SRGN: variants seen among roughly 807,000 people sequenced by gnomAD.
SRGN encodes the protein serglycin.
A neutral mutation model predicts 9.5 loss-of-function variants in SRGN; 2 were observed. The ratio of observed to expected loss-of-function variants is 0.21; its 90% CI spans 0.09 to 0.66. SRGN has a LOEUF of 0.66. Ranked by LOEUF, SRGN falls within the 30% of genes least tolerant of loss-of-function variation. SRGN has a pLI of 0.83. For synonymous variants in SRGN, 59 were observed against 72.3 expected, an observed-to-expected ratio of 0.82 and a Z score of 0.93; for missense variants, 170 against 192.4, an observed-to-expected ratio of 0.88 and a Z score of 0.69.
At chr10:69,097,283 G>A (rs772834747) in intron 2 of SRGN, 52 bp downstream of exon 2, 5 of 1,501,654 alleles carry the variant, frequency 3.3e-6, no homozygotes, top group Non-Finnish European at 4.6e-6. Flanking sequence ...TATTTGAGAC[G>A]GAGTTTCACT....
Position 69,104,200 on chromosome 10 carries a change from C to A in SRGN, c.*80C>A. On this transcript the variant is annotated 3_prime_UTR_variant, in exon 3 of 3. Transcript: ENST00000242465. ...CATGGTTATATGATTAATCTTGGGACAAAGAATTTTATAGAAATTTTTAAA... is the reference window on the plus strand; with the variant it reads ...CATGGTTATATGATTAATCTTGGGAAAAAGAATTTTATAGAAATTTTTAAA... 1 of 1,487,048 alleles carries A rather than the reference C, an allele frequency of 6.7e-7. No individual in the cohort carries two copies. The highest frequency in any genetic ancestry group is 9.0e-7 in the Non-Finnish European group (1 of 1,113,080). 92.1% of individuals were successfully genotyped at this position (1,487,048 alleles called of 1,614,324 possible).
intron 1 of SRGN, among the ~76,000 whole-genome samples, chr10:69,090,499 G>C (rs989598163): frequency 6.6e-6 from 1 of 152,114 alleles, no homozygotes; most frequent in African/African-American, 2.4e-5. Flanking sequence ...GCATTCTGAG[G>C]CCTCTCTCCT....
rs568639944 is a variant in SRGN, at chr10:69,089,006, T to G, written c.79+770T>G. 9.8e-5 allele frequency among the ~76,000 whole-genome samples: 15 copies of G among 152,334 alleles called. No homozygotes were observed. The South Asian group carries it at 3.1e-3, about 32-fold the overall frequency. On this transcript the variant is annotated intron_variant, in intron 1 of 2. Transcript: ENST00000242465. ...TCTTTGGCAAATAAGGAATCATGTC[T>G]AAATAAGACGGAGGTCATGGCTTGA... is the stretch of plus-strand genomic sequence containing the variant.
chr10:69,089,838 G>A (rs984303325), intron 1 of SRGN, among the ~76,000 whole-genome samples: 4 of 152,126 alleles, frequency 2.6e-5, no homozygotes, highest in African/African-American at 9.7e-5. Context: ...GGAGGTTGCA[G>A]TGAGCTGAGA....
At chr10:69,101,154 G>A (rs532623553) in intron 2 of SRGN, among the ~76,000 whole-genome samples, 2 of 151,936 alleles carry the variant, frequency 1.3e-5, no homozygotes, top group East Asian at 1.9e-4. Context: ...TGGTAGAGAC[G>A]GGGTTTTGCC....
chr10:69,101,641 A>G (rs189910795), intron 2 of SRGN, among the ~76,000 whole-genome samples: 2 of 152,112 alleles, frequency 1.3e-5, no homozygotes, highest in Admixed American at 1.3e-4. Flanking sequence ...AGGGCCACCC[A>G]TGCCTGCCCC....
At chr10:69,093,971 C>T (rs1840119623) in intron 1 of SRGN, among the ~76,000 whole-genome samples, 1 of 152,180 alleles carries the variant, frequency 6.6e-6, no homozygotes, top group Admixed American at 6.5e-5. Flanking sequence ...ATAAGATGTT[C>T]ACTCTCGGAG....
At chr10:69,094,085 C>A (rs1337471832) in intron 1 of SRGN, among the ~76,000 whole-genome samples, 1 of 152,122 alleles carries the variant, frequency 6.6e-6, no homozygotes, top group Admixed American at 6.6e-5. Flanking sequence ...ATTTGTATCT[C>A]CTTATTAACT....
At chr10:69,103,617 A>T (rs1302463032) in intron 2 of SRGN, among the ~76,000 whole-genome samples, 1 of 152,220 alleles carries the variant, frequency 6.6e-6, no homozygotes, top group Non-Finnish European at 1.5e-5. Flanking sequence ...AACAAAATTA[A>T]CACTGTTTAT....
At chr10:69,088,076 T>A, upstream of SRGN, 1 of 1,237,810 alleles carries the variant, frequency 8.1e-7, no homozygotes, top group Non-Finnish European at 1.2e-6. Context: ...TGGAACATTT[T>A]CTAAAAGGGA....
intron 1 of SRGN, 27 bp from the exon 2 acceptor site, chr10:69,097,057 T>C: frequency 1.9e-6 from 3 of 1,610,792 alleles, no homozygotes; most frequent in Non-Finnish European, 2.5e-6. Context: ...AGTAGATACT[T>C]AGTAACAATG....
At chr10:69,090,130 T>G (rs1030085101) in intron 1 of SRGN, among the ~76,000 whole-genome samples, 2 of 152,160 alleles carry the variant, frequency 1.3e-5, no homozygotes, top group Non-Finnish European at 1.5e-5. Context: ...CATCTGAGCA[T>G]GCAGGGAAAT....
intron 2 of SRGN, 56 bp from the exon 3 acceptor site, chr10:69,103,815 C>A: frequency 1.3e-6 from 2 of 1,571,930 alleles, no homozygotes; most frequent in South Asian, 2.3e-5. Context: ...TTATAATTAT[C>A]TTTCCCACAT....
Position 69,097,203 on chromosome 10 carries a change from A to T in SRGN, c.199A>T (p.Ile67Phe). Residue 67 changes from isoleucine to phenylalanine, a missense_variant, in exon 2 of 3, where the codon ATC becomes TTC. By Grantham distance (21) the Ile-to-Phe change is conservative (BLOSUM62 0). Transcript: ENST00000242465. Reference sequence around the variant, plus strand: ...ACTACTTCCAGGTGAATCCAACAAGATCCCCCGTCTGAGGACTGACCTTTT... The same window carrying T: ...ACTACTTCCAGGTGAATCCAACAAGTTCCCCCGTCTGAGGACTGACCTTTT... ...FELLPGESNKIPRLRTDLFPK... is the reference protein window; with the variant it reads ...FELLPGESNKFPRLRTDLFPK... 6.2e-7 allele frequency: 1 copy of T among 1,613,966 alleles called. No homozygotes were observed. Among genetic ancestry groups the T allele is most frequent in the Non-Finnish European group, 8.5e-7 (1 of 1,179,940 alleles).
chr10:69,096,398 C>T (rs1291319986), intron 1 of SRGN, among the ~76,000 whole-genome samples: 3 of 152,170 alleles, frequency 2.0e-5, no homozygotes, highest in Non-Finnish European at 4.4e-5. Context: ...TGTATTTTCT[C>T]ATTTAATTTT....
chr10:69,094,148 T>G lies in SRGN; in HGVS notation c.80-2936T>G, dbSNP rs574903412. Reference sequence around the variant, plus strand: ...AAAATTGAGGCACAGGAAGTTTAAGTTGGCCAAGATCACACAGCCAGTAAG... The same window carrying G: ...AAAATTGAGGCACAGGAAGTTTAAGGTGGCCAAGATCACACAGCCAGTAAG... On this transcript the variant is annotated intron_variant, in intron 1 of 2. Coordinates refer to ENST00000242465, the MANE Select transcript of SRGN (RefSeq NM_002727.4). Among the ~76,000 whole-genome samples the G allele has an allele frequency of 5.9e-5, 9 of 152,288 alleles. No individual in the cohort carries two copies. The South Asian group carries it at 1.2e-3, about 21-fold the overall frequency.
chr10:69,103,284 C>T lies in SRGN; in HGVS notation c.228-587C>T, dbSNP rs544461455. Among the ~76,000 whole-genome samples, 572 of 126,760 alleles carry T rather than the reference C, an allele frequency of 4.5e-3. 1 individual carries two copies. Among genetic ancestry groups the T allele is most frequent in the Non-Finnish European group, 8.5e-3 (482 of 56,918 alleles). The allele number at this position is 126,760 out of a possible 152,430, so 83.2% of individuals were successfully genotyped here. ...TGATTTCTTGGGCCGGGTGCAGTGG[C>T]TCACACCTGTAATCCCAGCACTTTG... On this transcript the variant is annotated intron_variant, in intron 2 of 2. Coordinates refer to ENST00000242465, the MANE Select transcript of SRGN (RefSeq NM_002727.4).
intron 2 of SRGN, among the ~76,000 whole-genome samples, chr10:69,100,941 T>C (rs1589331246): frequency 6.6e-6 from 1 of 151,648 alleles, no homozygotes; most frequent in African/African-American, 2.4e-5. Flanking sequence ...CCTTCCACTA[T>C]CGCTGTAGCC....
rs923702414 is a variant in SRGN at position 69,103,786 on chromosome 10, C to T, written c.228-85C>T. 22 of 1,422,752 alleles carry T rather than the reference C, an allele frequency of 1.5e-5. No individual in the cohort carries two copies. The Admixed American group carries it at 4.1e-4, about 26-fold the overall frequency. The allele number at this position is 1,422,752 out of a possible 1,614,324, so 88.1% of individuals were successfully genotyped here. Reference sequence around the variant, plus strand: ...AGCAACTAGATGGCTGTATTTATCTCCTTATATTAAAAAAACTATTATAAT... The same window carrying T: ...AGCAACTAGATGGCTGTATTTATCTTCTTATATTAAAAAAACTATTATAAT... On this transcript the variant is annotated intron_variant, in intron 2 of 2. Transcript: ENST00000242465.
Sources: gnomAD v4.1 joint callset for allele counts (sites outside exome capture counted in the v4.1 genomes callset) on GRCh38, gnomAD v4.1.1 for gene constraint, MANE v1.5 for transcripts, NCBI Gene and HGNC (gene_info 2026-07-23, HGNC 2026-07-21) for gene names.